LPIN1: variants seen among roughly 807,000 people sequenced by gnomAD.
The protein encoded by LPIN1 is phosphatidate phosphatase LPIN1.
Under a neutral mutation model 107.5 loss-of-function variants are expected in LPIN1, and 71 were observed. The ratio of observed to expected loss-of-function variants is 0.66; its 90% CI spans 0.55 to 0.80. The LOEUF is 0.80. Among genes scored for constraint, LPIN1 ranks in the 30% least tolerant of loss-of-function variants. The probability of loss-of-function intolerance (pLI) is 0.00; values close to 1 mark genes in which losing one functional copy is unlikely to be tolerated. For missense variants in LPIN1, 1,043 were observed against 1,160.6 expected (o/e 0.90, Z 1.47); for synonymous variants, 445 against 452.6 (o/e 0.98, Z 0.21).
chr2:11,778,593 G>C (rs770312005), intron 6 of LPIN1, among the ~76,000 whole-genome samples: 1 of 152,188 alleles, frequency 6.6e-6, no homozygotes, highest in African/African-American at 2.4e-5. Context: ...GAAAGAAGAC[G>C]GCAAGGGAAA....
At position 11,804,557 on chromosome 2, in the gene LPIN1, T is replaced by C. The variant is rs375994646; in HGVS notation, c.2148T>C (p.Asp716=). ...WDDKVIISDI[D]GTITRSDTLG... The stretch of plus-strand genomic sequence containing the variant: ...ATAAAGTCATCATTTCTGATATTGA[T>C]GGGACAATTACCAGGTAGGTCCTGC... The change falls in exon 16 of 21, where the codon GAT becomes GAC. Residue 716 remains aspartate, a synonymous_variant. Coordinates refer to ENST00000674199, the MANE Select transcript of LPIN1 (RefSeq NM_001349206.2). The C allele has an allele frequency of 2.5e-6, 4 of 1,614,070 alleles. No homozygotes were observed. The highest frequency in any genetic ancestry group is 3.4e-6 in the Non-Finnish European group (4 of 1,180,048).
intron 9 of LPIN1, 47 bp downstream of exon 9, chr2:11,783,969 T>G: frequency 6.2e-7 from 1 of 1,613,150 alleles, no homozygotes; most frequent in Non-Finnish European, 8.5e-7. Context: ...AATCTGAATA[T>G]CATTCTGTGT....
upstream of LPIN1, among the ~76,000 whole-genome samples, chr2:11,720,690 G>A (rs545390990): frequency 3.9e-4 from 59 of 152,146 alleles, 1 homozygote; most frequent in Admixed American, 1.3e-3. Context: ...TAGACCTGGG[G>A]AGAAATGGTG....
chr2:11,729,154 G>A (rs956814839), intron 1 of LPIN1, among the ~76,000 whole-genome samples: 3 of 152,130 alleles, frequency 2.0e-5, no homozygotes, highest in Admixed American at 6.5e-5. Flanking sequence ...GTCGGGGAAC[G>A]GGGGCAAGAG....
intron 1 of LPIN1, among the ~76,000 whole-genome samples, chr2:11,736,565 T>TG (rs1487397142): frequency 6.6e-6 from 1 of 152,216 alleles, no homozygotes; most frequent in Non-Finnish European, 1.5e-5. Flanking sequence ...AGATGAATTT[T>TG]GGGGGGCACA....
chr2:11,751,313 C>T (rs1667755730), intron 1 of LPIN1, among the ~76,000 whole-genome samples: 2 of 152,060 alleles, frequency 1.3e-5, no homozygotes, highest in South Asian at 4.2e-4. Flanking sequence ...ACTGAGTGGA[C>T]CAGAGTTTTC....
chr2:11,713,529 C>T (rs1457429746), intron 1 of LPIN1, among the ~76,000 whole-genome samples: 1 of 152,204 alleles, frequency 6.6e-6, no homozygotes, highest in Non-Finnish European at 1.5e-5. Flanking sequence ...CTTTGGCCTT[C>T]CAAAGTGCTG....
chr2:11,719,831 A>G (rs80318492), upstream of LPIN1, among the ~76,000 whole-genome samples: 23,743 of 143,856 alleles, frequency 0.17, 2,474 homozygotes, highest in Admixed American at 0.23. Context: ...TCATTGTGGC[A>G]TGGATTAGCG....
chr2:11,734,090 T>C (rs368479845), intron 1 of LPIN1, among the ~76,000 whole-genome samples: 24 of 152,228 alleles, frequency 1.6e-4, no homozygotes, highest in African/African-American at 5.8e-4. Flanking sequence ...CATTTGGCCA[T>C]GAATCAAAAC....
intron 17 of LPIN1, among the ~76,000 whole-genome samples, chr2:11,810,830 A>G (rs1232041533): frequency 1.1e-4 from 16 of 152,158 alleles, no homozygotes; most frequent in Admixed American, 9.8e-4. Context: ...AAGCTTGCAA[A>G]ATGCTCCCGA....
chr2:11,730,157 G>C (rs777559641), intron 1 of LPIN1, among the ~76,000 whole-genome samples: 27 of 152,076 alleles, frequency 1.8e-4, no homozygotes, highest in Non-Finnish European at 3.4e-4. Context: ...ATTCCTGTTT[G>C]GTTCCTTTTT....
chr2:11,758,964 C>T (rs1384550227), intron 1 of LPIN1, among the ~76,000 whole-genome samples: 3 of 152,206 alleles, frequency 2.0e-5, no homozygotes, highest in Non-Finnish European at 1.5e-5. Context: ...AAAGATGCTT[C>T]TTCAGTTGCT....
chr2:11,795,314 G>A lies in LPIN1; in HGVS notation c.1807-94G>A, dbSNP rs529425554. 4.8e-5 allele frequency: 48 copies of A among 1,003,260 alleles called. No individual in the cohort carries two copies. In the African/African-American group the frequency reaches 7.1e-4, roughly 15 times the overall value. 62.1% of individuals were successfully genotyped at this position (1,003,260 alleles called of 1,614,324 possible). ...ATTGGGGAATGGTCTATCTTTAGGG[G>A]TCCTGCCTTAAGGAAGCCCATGGGA... On this transcript the variant is annotated intron_variant, in intron 13 of 20. Coordinates refer to ENST00000674199, the MANE Select transcript of LPIN1 (RefSeq NM_001349206.2).
At chr2:11,721,278 G>C (rs1408492101), upstream of LPIN1, among the ~76,000 whole-genome samples, 1 of 150,900 alleles carries the variant, frequency 6.6e-6, no homozygotes, top group African/African-American at 2.4e-5. Context: ...GTGTGTGTGT[G>C]TGTGTGTGTG....
rs1675853109 is a variant in LPIN1 at position 11,792,103 on chromosome 2, A to G, written c.1806+97A>G. The G allele has an allele frequency of 1.1e-5, 11 of 1,037,826 alleles. No homozygotes were observed. The Admixed American group carries it at 2.2e-4, about 21-fold the overall frequency. The allele number at this position is 1,037,826 out of a possible 1,614,324, so 64.3% of individuals were successfully genotyped here. A position where few individuals can be genotyped will look rare whatever the true frequency, so the allele number is the denominator to read the frequency against. On this transcript the variant is annotated intron_variant, in intron 13 of 20. Coordinates refer to ENST00000674199, the MANE Select transcript of LPIN1 (RefSeq NM_001349206.2). ...GTACTTACATCAGAGAAATGAAGAT[A>G]GGCCCTAGTGCTGAGTTTCCATGAG...
chr2:11,698,429 G>A (rs1433866864), intron 1 of LPIN1, among the ~76,000 whole-genome samples: 1 of 152,216 alleles, frequency 6.6e-6, no homozygotes, highest in Non-Finnish European at 1.5e-5. Context: ...CGTAGGAACA[G>A]CACACAGTAG....
chr2:11,717,794 C>G (rs974536195), intron 2 of LPIN1, among the ~76,000 whole-genome samples: 39 of 152,030 alleles, frequency 2.6e-4, no homozygotes, highest in African/African-American at 7.0e-4. Context: ...TGAGAGCTGA[C>G]AAACCAAGCA....
At chr2:11,747,901 C>T (rs1444756194) in intron 1 of LPIN1, among the ~76,000 whole-genome samples, 1 of 152,142 alleles carries the variant, frequency 6.6e-6, no homozygotes, top group African/African-American at 2.4e-5. Flanking sequence ...CCCTGTGGTC[C>T]TGTGGAGCCA....
intron 1 of LPIN1, among the ~76,000 whole-genome samples, chr2:11,710,147 G>A (rs1572365809): frequency 6.6e-6 from 1 of 152,272 alleles, no homozygotes; most frequent in East Asian, 1.9e-4. Context: ...TATAAGGGTA[G>A]TAATCCAATT....
Sources: gnomAD v4.1 joint callset for allele counts (sites outside exome capture counted in the v4.1 genomes callset) on GRCh38, gnomAD v4.1.1 for gene constraint, MANE v1.5 for transcripts, NCBI Gene and HGNC (gene_info 2026-07-23, HGNC 2026-07-21) for gene names.